The following NRXN3 variants were observed in gnomAD, a reference collection of about 807,000 sequenced individuals.
NRXN3 encodes the protein neurexin 3, also known as neurexin III.
A neutral mutation model predicts 137.6 loss-of-function variants in NRXN3; 32 were observed. The ratio of observed to expected loss-of-function variants is 0.23; its 90% confidence interval spans 0.18 to 0.31. The LOEUF is 0.31. Among genes scored for constraint, NRXN3 ranks in the 10% least tolerant of loss-of-function variants. The pLI, the probability that NRXN3 is intolerant of heterozygous loss-of-function variation, is 1.00. For missense variants in NRXN3, 1,574 were observed against 2,062.5 expected, an observed-to-expected ratio of 0.76 and a Z score of 4.59; for synonymous variants, 798 against 784.5, an observed-to-expected ratio of 1.02 and a Z score of -0.29.
chr14:79,732,135 A>AT lies in NRXN3; in HGVS notation c.4014+34207dup, dbSNP rs1011548746. 2.6e-4 allele frequency among the ~76,000 whole-genome samples: 40 copies of AT among 151,314 alleles called. No individual in the cohort carries two copies. The South Asian group carries it at 5.9e-3, about 22-fold the overall frequency. ...AGCACATAGTATCCTGGTAAACTGG[A>AT]TTTTTTTTTAAGAGACATGGAGAAC... On this transcript the variant is annotated intron_variant, in intron 19 of 20. Coordinates refer to ENST00000335750, the MANE Select transcript of NRXN3 (RefSeq NM_001330195.2).
At chr14:79,215,403 A>G (rs200670163) in intron 15 of NRXN3, among the ~76,000 whole-genome samples, 125 of 104,300 alleles carry the variant, frequency 1.2e-3, no homozygotes, top group African/African-American at 3.2e-3. Flanking sequence ...GTGTGTGTGT[A>G]TATATATATA....
intron 9 of NRXN3, 131 bp downstream of exon 9, chr14:78,803,954 C>A: frequency 1.2e-6 from 1 of 838,204 alleles, no homozygotes. Context: ...TTAACAGACC[C>A]AGGATAAAAC....
intron 2 of NRXN3, among the ~76,000 whole-genome samples, chr14:78,244,642 A>G (rs61975996): frequency 0.072 from 10,875 of 152,056 alleles, 699 homozygotes; most frequent in East Asian, 0.27. Context: ...AGGTGTCTAG[A>G]AGGTGGATGA....
chr14:78,919,112 C>T (rs577713726), intron 10 of NRXN3, among the ~76,000 whole-genome samples: 191 of 152,228 alleles, frequency 1.3e-3, no homozygotes, highest in Non-Finnish European at 2.1e-3. Context: ...TCACATAGAA[C>T]AGATGAACTA....
intron 4 of NRXN3, among the ~76,000 whole-genome samples, chr14:78,623,535 C>T (rs2097425865): frequency 6.6e-6 from 1 of 152,154 alleles, no homozygotes; most frequent in Non-Finnish European, 1.5e-5. Context: ...TAGCAAATAG[C>T]CATTCTATAG....
intron 15 of NRXN3, among the ~76,000 whole-genome samples, chr14:79,126,477 A>G (rs2056495478): frequency 6.6e-6 from 1 of 151,944 alleles, no homozygotes; most frequent in Admixed American, 6.6e-5. Flanking sequence ...TTCCAATTTC[A>G]TCCATGTCCC....
chr14:79,501,450 T>C (rs760215195), intron 16 of NRXN3, among the ~76,000 whole-genome samples: 4 of 152,184 alleles, frequency 2.6e-5, no homozygotes, highest in East Asian at 1.9e-4. Context: ...CTCTGAGGCA[T>C]TGGAATCATT....
intron 16 of NRXN3, among the ~76,000 whole-genome samples, chr14:79,469,923 A>T (rs1424445653): frequency 2.0e-5 from 3 of 152,212 alleles, no homozygotes; most frequent in Non-Finnish European, 4.4e-5. Context: ...AGAAGACTAA[A>T]TGGCTTAATT....
intron 15 of NRXN3, among the ~76,000 whole-genome samples, chr14:79,061,017 T>C (rs965828932): frequency 6.6e-6 from 1 of 152,166 alleles, no homozygotes; most frequent in African/African-American, 2.4e-5. Flanking sequence ...ACATAATAAT[T>C]CATGATGAAC....
chr14:79,374,799 C>G (rs953595827), intron 15 of NRXN3, among the ~76,000 whole-genome samples: 4 of 152,072 alleles, frequency 2.6e-5, no homozygotes, highest in Non-Finnish European at 5.9e-5. Context: ...TTCCTATCTC[C>G]CCAAAATGTA....
chr14:78,888,704 T>C (rs770664690), intron 10 of NRXN3, among the ~76,000 whole-genome samples: 1 of 152,010 alleles, frequency 6.6e-6, no homozygotes, highest in African/African-American at 2.4e-5. Context: ...GTGAAGAAAA[T>C]TCAATTTTTA....
At chr14:79,331,287 C>T (rs2091645259) in intron 15 of NRXN3, among the ~76,000 whole-genome samples, 1 of 152,118 alleles carries the variant, frequency 6.6e-6, no homozygotes. Flanking sequence ...CATGCTTATG[C>T]ACAAGGTATA....
intron 4 of NRXN3, among the ~76,000 whole-genome samples, chr14:78,346,509 G>A (rs1202017253): frequency 6.6e-6 from 1 of 152,202 alleles, no homozygotes; most frequent in East Asian, 1.9e-4. Flanking sequence ...TAGGGGGCAG[G>A]TATTAGGGCC....
intron 10 of NRXN3, among the ~76,000 whole-genome samples, chr14:78,822,461 G>T (rs1265714514): frequency 2.0e-5 from 3 of 151,974 alleles, no homozygotes; most frequent in African/African-American, 7.2e-5. Context: ...GATCACTTGA[G>T]GTCAGGAGTT....
intron 4 of NRXN3, among the ~76,000 whole-genome samples, chr14:78,499,410 C>A (rs1398684844): frequency 6.6e-6 from 1 of 152,254 alleles, no homozygotes; most frequent in South Asian, 2.1e-4. Context: ...AGCTGATAAT[C>A]GGGGCCTCCC....
At chr14:79,175,931 G>A (rs1039857056) in intron 15 of NRXN3, among the ~76,000 whole-genome samples, 1 of 152,240 alleles carries the variant, frequency 6.6e-6, no homozygotes, top group Non-Finnish European at 1.5e-5. Context: ...GAGCATGCAC[G>A]ACTCTGTAGT....
At chr14:79,768,289 C>T in intron 19 of NRXN3, among the ~76,000 whole-genome samples, 1 of 152,228 alleles carries the variant, frequency 6.6e-6, no homozygotes, top group Non-Finnish European at 1.5e-5. Flanking sequence ...AGGAGGCCTG[C>T]CTGCCTCTGT....
chr14:79,735,207 T>C (rs558726955), intron 19 of NRXN3, among the ~76,000 whole-genome samples: 1 of 152,304 alleles, frequency 6.6e-6, no homozygotes, highest in South Asian at 2.1e-4. Context: ...GTCCAGGACC[T>C]TGGGCTTAAA....
chr14:78,264,740 C>A (rs1350484472), intron 2 of NRXN3, among the ~76,000 whole-genome samples: 2 of 152,168 alleles, frequency 1.3e-5, no homozygotes, highest in African/African-American at 4.8e-5. Context: ...TTAGTGTTGT[C>A]TAATAACGGC....
Sources: allele counts gnomAD v4.1 joint callset (sites outside exome capture counted in the v4.1 genomes callset), GRCh38; gene constraint gnomAD v4.1.1; transcripts MANE v1.5; gene names NCBI Gene and HGNC (gene_info 2026-07-23, HGNC 2026-07-21).